Variants in RNF19B observed in about 807,000 individuals in gnomAD.
The protein encoded by RNF19B is E3 ubiquitin-protein ligase RNF19B.
Under a neutral mutation model 65.5 loss-of-function variants are expected in RNF19B, and 23 were observed. That is an observed-to-expected ratio of 0.35 (90% CI 0.25 to 0.50). RNF19B has a LOEUF of 0.50. Ranked by LOEUF, RNF19B falls within the 20% of genes least tolerant of loss-of-function variation. RNF19B has a pLI of 0.98. For synonymous variants in RNF19B, 372 were observed against 379.6 expected (o/e 0.98, Z 0.23); for missense variants, 794 against 980.0 (o/e 0.81, Z 2.53).
chr1:32,932,736 C>T (rs1570066214), downstream of RNF19B, among the ~76,000 whole-genome samples: 1 of 151,838 alleles, frequency 6.6e-6, no homozygotes, highest in East Asian at 1.9e-4. Context: ...CTAAAATTTC[C>T]TTGTCTTCAG....
chr1:32,950,862 G>T (rs1642479424), intron 1 of RNF19B, among the ~76,000 whole-genome samples: 2 of 134,900 alleles, frequency 1.5e-5, no homozygotes, highest in Non-Finnish European at 3.1e-5. Flanking sequence ...TTTTTTTTGA[G>T]ATGGAGTCTC....
At chr1:32,930,044 G>A in the RNF19B span, among the ~76,000 whole-genome samples, 2 of 152,240 alleles carry the variant, frequency 1.3e-5, no homozygotes, top group South Asian at 2.1e-4. Flanking sequence ...AATTTTGAAG[G>A]GCAAAATTAG....
intron 7 of RNF19B, among the ~76,000 whole-genome samples, chr1:32,939,615 A>C (rs1345852768): frequency 6.6e-6 from 1 of 152,250 alleles, no homozygotes; most frequent in Non-Finnish European, 1.5e-5. Flanking sequence ...CCAGGGAATG[A>C]GACTGAAGGA....
chr1:32,944,684 C>T (rs1642322362), intron 5 of RNF19B, among the ~76,000 whole-genome samples: 1 of 151,852 alleles, frequency 6.6e-6, no homozygotes, highest in African/African-American at 2.4e-5. Context: ...GGGAAAATTA[C>T]TGCACCTTTC....
intron 1 of RNF19B, among the ~76,000 whole-genome samples, chr1:32,960,041 A>C (rs1269261090): frequency 6.6e-6 from 1 of 151,162 alleles, no homozygotes; most frequent in Non-Finnish European, 1.5e-5. Context: ...ACAGAGCGAG[A>C]CTCCGTCTCA....
chr1:32,951,937 G>A (rs1642509959), intron 1 of RNF19B, among the ~76,000 whole-genome samples: 1 of 149,966 alleles, frequency 6.7e-6, no homozygotes, highest in Non-Finnish European at 1.5e-5. Context: ...TGGGATTACA[G>A]GCGCCCGCCA....
downstream of RNF19B, among the ~76,000 whole-genome samples, chr1:32,935,587 T>C (rs1642084865): frequency 1.3e-5 from 2 of 152,240 alleles, no homozygotes; most frequent in South Asian, 4.1e-4. Flanking sequence ...GTCCCTTTTA[T>C]TTAAACCAGA....
At chr1:32,931,652 G>C (rs924382929), downstream of RNF19B, among the ~76,000 whole-genome samples, 6 of 152,220 alleles carry the variant, frequency 3.9e-5, no homozygotes, top group Non-Finnish European at 8.8e-5. Context: ...CTTTGATTTT[G>C]ATGTACATGA....
intron 6 of RNF19B, 24 bp downstream of exon 6, chr1:32,943,995 G>A (rs1053376102): frequency 6.3e-7 from 1 of 1,584,768 alleles, no homozygotes; most frequent in African/African-American, 1.4e-5. Context: ...AAATTCAAAT[G>A]GAAATAAACA....
intron 8 of RNF19B, among the ~76,000 whole-genome samples, chr1:32,937,539 C>T (rs148956067): frequency 1.4e-4 from 22 of 152,042 alleles, no homozygotes; most frequent in African/African-American, 5.3e-4. Flanking sequence ...AAGTCAGACC[C>T]TGTTTCTAAA....
At chr1:32,961,696 A>C (rs932021673) in intron 1 of RNF19B, among the ~76,000 whole-genome samples, 2 of 152,252 alleles carry the variant, frequency 1.3e-5, no homozygotes, top group African/African-American at 4.8e-5. Context: ...ACTAATTAAA[A>C]AAATAAAATC....
chr1:32,950,706 T>C (rs934553576), intron 1 of RNF19B, among the ~76,000 whole-genome samples: 2 of 151,920 alleles, frequency 1.3e-5, no homozygotes, highest in Non-Finnish European at 2.9e-5. Context: ...TTGGCTAATT[T>C]TTGTAATTTG....
At chr1:32,962,093 T>C (rs1434621268) in intron 1 of RNF19B, among the ~76,000 whole-genome samples, 1 of 152,006 alleles carries the variant, frequency 6.6e-6, no homozygotes, top group Admixed American at 6.6e-5. Flanking sequence ...CTCAGCCTCC[T>C]GGGTAGCTGG....
chr1:32,942,482 A>G lies in RNF19B; in HGVS notation c.1403-23T>C, dbSNP rs375337872. Reference sequence around the variant, plus strand: ...CCACTGGGGATAGAACCAAACATCCAATTCAAGACAGCAGAGCATCAAAAC... The same window carrying G: ...CCACTGGGGATAGAACCAAACATCCGATTCAAGACAGCAGAGCATCAAAAC... On this transcript the variant is annotated intron_variant, in intron 6 of 8. Coordinates refer to ENST00000235150, the MANE Select transcript of RNF19B (RefSeq NM_001300826.2). The G allele has an allele frequency of 2.2e-3, 3,512 of 1,596,814 alleles. 8 individuals carry two copies. The highest frequency in any genetic ancestry group is 2.4e-3 in the Non-Finnish European group (2,740 of 1,165,324).
downstream of RNF19B, among the ~76,000 whole-genome samples, chr1:32,933,320 T>C (rs572879774): frequency 2.6e-5 from 4 of 152,094 alleles, no homozygotes; most frequent in South Asian, 6.2e-4. Flanking sequence ...AGTGGCGCAA[T>C]CTCAGCTCAC....
At chr1:32,929,811 G>A in the RNF19B span, among the ~76,000 whole-genome samples, 5 of 152,250 alleles carry the variant, frequency 3.3e-5, no homozygotes, top group African/African-American at 7.2e-5. Context: ...GGTAACCCAT[G>A]TATTTCATCA....
At chr1:32,931,780 C>T (rs929318559), downstream of RNF19B, among the ~76,000 whole-genome samples, 1 of 152,192 alleles carries the variant, frequency 6.6e-6, no homozygotes, top group African/African-American at 2.4e-5. Flanking sequence ...AGTGTAGTCA[C>T]CATCATTTGT....
chr1:32,940,866 C>A (rs1642215109), intron 7 of RNF19B, among the ~76,000 whole-genome samples: 1 of 152,140 alleles, frequency 6.6e-6, no homozygotes, highest in East Asian at 1.9e-4. Context: ...ATTTTCAACA[C>A]AAGTACATAG....
chr1:32,941,645 C>T (rs998458742), intron 7 of RNF19B, among the ~76,000 whole-genome samples: 12 of 152,198 alleles, frequency 7.9e-5, no homozygotes, highest in Admixed American at 7.9e-4. Flanking sequence ...AAAATGCCTA[C>T]TCTCCCTTCC....
Sources: allele counts gnomAD v4.1 joint callset (sites outside exome capture counted in the v4.1 genomes callset), GRCh38; gene constraint gnomAD v4.1.1; transcripts MANE v1.5; gene names NCBI Gene and HGNC (gene_info 2026-07-23, HGNC 2026-07-21).